The following ITSN2 variants were observed in gnomAD, a reference collection of about 807,000 sequenced individuals.
ITSN2 encodes the protein intersectin 2, also known as intersectin-2.
A neutral mutation model predicts 243.7 loss-of-function variants in ITSN2; 156 were observed. The ratio of observed to expected loss-of-function variants is 0.64; its 90% CI spans 0.56 to 0.73. The LOEUF (loss-of-function observed/expected upper bound fraction) is 0.73, where lower values mean the gene tolerates loss of function less well. Ranked by LOEUF, ITSN2 falls within the 30% of genes least tolerant of loss-of-function variation. The probability of loss-of-function intolerance (pLI) is 0.00; values close to 1 mark genes in which losing one functional copy is unlikely to be tolerated. For missense variants in ITSN2, 1,801 were observed against 1,996.1 expected (o/e 0.90, Z 1.86); for synonymous variants, 703 against 699.9 (o/e 1.00, Z -0.07).
At chr2:24,280,872 C>T (rs1054132162) in intron 17 of ITSN2, among the ~76,000 whole-genome samples, 2 of 152,174 alleles carry the variant, frequency 1.3e-5, no homozygotes, top group African/African-American at 4.8e-5. Context: ...CATCAATGAC[C>T]TTTTTAACTC....
In ITSN2 at chr2:24,224,111, C is replaced by T. The variant is rs980323810; in HGVS notation, c.3578-3045G>A. 1.6e-4 allele frequency among the ~76,000 whole-genome samples: 24 copies of T among 152,166 alleles called. 1 individual carries two copies. Among genetic ancestry groups the T allele is most frequent in the African/African-American group, 5.8e-4 (24 of 41,508 alleles). ...AGACACCTGGCGAAATGGCACTGATCCTGATATGATCCAGTGGTGCTACTC... is the reference window on the plus strand; with the variant it reads ...AGACACCTGGCGAAATGGCACTGATTCTGATATGATCCAGTGGTGCTACTC... On this transcript the variant is annotated intron_variant, in intron 29 of 39. Coordinates refer to ENST00000355123, the MANE Select transcript of ITSN2 (RefSeq NM_006277.3).
chr2:24,335,878 T>C (rs980535358), intron 1 of ITSN2, among the ~76,000 whole-genome samples: 6 of 151,248 alleles, frequency 4.0e-5, no homozygotes, highest in Non-Finnish European at 5.9e-5. Flanking sequence ...CCTCAGGTGA[T>C]CTGCCCGCCT....
intron 19 of ITSN2, 84 bp from the exon 20 acceptor site, chr2:24,270,852 A>G: frequency 1.4e-6 from 1 of 720,146 alleles, no homozygotes; most frequent in East Asian, 2.6e-5. Context: ...AAAACCTAAA[A>G]GAAAAAATCA....
intron 15 of ITSN2, among the ~76,000 whole-genome samples, chr2:24,292,333 TGAC>T (rs960133515): frequency 6.6e-6 from 1 of 152,134 alleles, no homozygotes; most frequent in Non-Finnish European, 1.5e-5. Flanking sequence ...ACAACAATGA[TGAC>T]AATAATAAAG....
At chr2:24,216,682 A>T (rs2151127501) in intron 31 of ITSN2, among the ~76,000 whole-genome samples, 1 of 152,276 alleles carries the variant, frequency 6.6e-6, no homozygotes, top group South Asian at 2.1e-4. Flanking sequence ...TGAATCCAGG[A>T]GTTCAAGTTG....
chr2:24,323,500 T>C (rs1684815734), intron 2 of ITSN2, among the ~76,000 whole-genome samples: 1 of 152,196 alleles, frequency 6.6e-6, no homozygotes, highest in South Asian at 2.1e-4. Context: ...GTGTATTCCA[T>C]TTATATGACA....
At chr2:24,352,121 G>A (rs1688075572) in intron 1 of ITSN2, among the ~76,000 whole-genome samples, 1 of 152,066 alleles carries the variant, frequency 6.6e-6, no homozygotes. Context: ...AAAACATAGT[G>A]TATATAGGTT....
intron 1 of ITSN2, among the ~76,000 whole-genome samples, chr2:24,359,637 T>C (rs1256953823): frequency 6.6e-6 from 1 of 152,094 alleles, no homozygotes; most frequent in Non-Finnish European, 1.5e-5. Context: ...TCTTTAAAAA[T>C]AAATAAATAA....
chr2:24,263,963 T>A (rs1232084262), intron 20 of ITSN2, among the ~76,000 whole-genome samples: 5 of 152,220 alleles, frequency 3.3e-5, no homozygotes, highest in Admixed American at 1.3e-4. Flanking sequence ...TTAACTTTTT[T>A]AACAATGGCT....
chr2:24,259,943 G>C (rs1007827177), intron 22 of ITSN2, among the ~76,000 whole-genome samples: 2 of 152,112 alleles, frequency 1.3e-5, no homozygotes, highest in Non-Finnish European at 2.9e-5. Context: ...TTGTTTTAGA[G>C]ACGGGGCTCA....
chr2:24,324,017 G>A (rs1684872277), intron 2 of ITSN2, among the ~76,000 whole-genome samples: 1 of 152,180 alleles, frequency 6.6e-6, no homozygotes, highest in African/African-American at 2.4e-5. Flanking sequence ...TGGATCACGA[G>A]GTCAGGAGAT....
rs904202711 is a variant in ITSN2, at chr2:24,303,684, ATC to A, written c.857+113_857+114del. 1.4e-5 allele frequency: 10 copies of A among 728,386 alleles called. No homozygotes were observed. In the African/African-American group the frequency reaches 1.6e-4, roughly 12 times the overall value. 45.1% of individuals were successfully genotyped at this position (728,386 alleles called of 1,614,324 possible). On this transcript the variant is annotated intron_variant, in intron 9 of 39. Coordinates refer to ENST00000355123, the MANE Select transcript of ITSN2 (RefSeq NM_006277.3). ...TTTCAAATGGCTGCTTTTATAGAGCATCTCTGAGTCACAAACTTTTACAGAAA... is the reference window on the plus strand; with the variant it reads ...TTTCAAATGGCTGCTTTTATAGAGCATCTGAGTCACAAACTTTTACAGAAA...
intron 20 of ITSN2, among the ~76,000 whole-genome samples, chr2:24,270,035 C>G (rs1677152988): frequency 6.6e-6 from 1 of 152,200 alleles, no homozygotes; most frequent in Non-Finnish European, 1.5e-5. Flanking sequence ...TGCCACCTAA[C>G]TGATAAATCA....
At chr2:24,325,636 G>C (rs1685085014) in intron 2 of ITSN2, among the ~76,000 whole-genome samples, 1 of 152,128 alleles carries the variant, frequency 6.6e-6, no homozygotes, top group Admixed American at 6.5e-5. Context: ...AAGTTTAGGG[G>C]TTGATGTCTA....
intron 1 of ITSN2, among the ~76,000 whole-genome samples, chr2:24,351,330 A>G (rs1406622742): frequency 6.6e-6 from 1 of 152,178 alleles, no homozygotes; most frequent in East Asian, 1.9e-4. Flanking sequence ...TTAACTTCAT[A>G]TACCTAGTGC....
intron 15 of ITSN2, among the ~76,000 whole-genome samples, chr2:24,291,628 T>A (rs1308382825): frequency 1.3e-5 from 2 of 152,002 alleles, no homozygotes; most frequent in Non-Finnish European, 2.9e-5. Context: ...TAGCTGGGAC[T>A]ACAGGCGTGC....
intron 17 of ITSN2, among the ~76,000 whole-genome samples, chr2:24,281,321 C>T (rs1678749160): frequency 6.6e-6 from 1 of 152,342 alleles, no homozygotes; most frequent in East Asian, 1.9e-4. Context: ...TGAGACACCA[C>T]GCCCAGCCAT....
Position 24,308,708 on chromosome 2 carries a change from C to T in ITSN2, c.702G>A (p.Gly234=), listed in dbSNP as rs1421849509. 1 of 1,528,226 alleles carries T rather than the reference C, an allele frequency of 6.5e-7. No homozygotes were observed. The highest frequency in any genetic ancestry group is 1.3e-5 in the South Asian group (1 of 74,156). The allele number at this position is 1,528,226 out of a possible 1,614,324, so 94.7% of individuals were successfully genotyped here. Residue 234 remains glycine, a synonymous_variant, in exon 8 of 40, where the codon GGG becomes GGA. Coordinates refer to ENST00000355123, the MANE Select transcript of ITSN2 (RefSeq NM_006277.3). ...ASLSGNSPKT[G]TSEWAVPQPT... is the part of the protein sequence containing the mutation. Reference sequence around the variant, plus strand: ...GCTGAGGAACTGCCCACTCTGAGGTCCCAGTCTTGGGTGAGTTCCCTGAGA... The same window carrying T: ...GCTGAGGAACTGCCCACTCTGAGGTTCCAGTCTTGGGTGAGTTCCCTGAGA...
chr2:24,325,586 A>G (rs1685081701), intron 2 of ITSN2, among the ~76,000 whole-genome samples: 2 of 152,324 alleles, frequency 1.3e-5, no homozygotes, highest in East Asian at 1.9e-4. Context: ...ATCTTAGTCT[A>G]TATTTATCTG....
Sources: allele counts gnomAD v4.1 joint callset (sites outside exome capture counted in the v4.1 genomes callset), GRCh38; gene constraint gnomAD v4.1.1; transcripts MANE v1.5; gene names NCBI Gene and HGNC (gene_info 2026-07-23, HGNC 2026-07-21).